Variants in JAZF1 observed in about 807,000 individuals in gnomAD.
JAZF1 encodes the protein juxtaposed with another zinc finger protein 1.
JAZF1 carries 8 observed loss-of-function variants against 26.4 expected under a neutral mutation model. The observed-to-expected ratio is 0.30, with a 90% CI of 0.18 to 0.55. JAZF1 has a LOEUF of 0.55. Ranked by LOEUF, JAZF1 falls within the 20% of genes least tolerant of loss-of-function variation. The probability of loss-of-function intolerance (pLI) is 0.94; values close to 1 mark genes in which losing one functional copy is unlikely to be tolerated. For missense variants in JAZF1, 199 were observed against 322.0 expected, an observed-to-expected ratio of 0.62 and a Z score of 2.92; for synonymous variants, 126 against 122.3, an observed-to-expected ratio of 1.03 and a Z score of -0.20.
At chr7:27,870,112 A>G (rs1783556024) in intron 3 of JAZF1, among the ~76,000 whole-genome samples, 1 of 135,804 alleles carries the variant, frequency 7.4e-6, no homozygotes, top group African/African-American at 2.8e-5. Flanking sequence ...TTTTTAGTAG[A>G]GACTGGGTTT....
At chr7:28,053,992 A>G (rs185439510) in intron 1 of JAZF1, among the ~76,000 whole-genome samples, 1 of 152,304 alleles carries the variant, frequency 6.6e-6, no homozygotes, top group African/African-American at 2.4e-5. Flanking sequence ...TTAAAATTCA[A>G]TTTCTTCAAT....
chr7:27,889,434 T>A (rs578229671), intron 3 of JAZF1, among the ~76,000 whole-genome samples: 90 of 152,322 alleles, frequency 5.9e-4, no homozygotes, highest in African/African-American at 2.1e-3. Context: ...GTCAATTAAT[T>A]TGATGGAAAG....
chr7:27,845,697 A>C (rs1783012364), intron 3 of JAZF1, among the ~76,000 whole-genome samples: 1 of 100,180 alleles, frequency 1.0e-5, no homozygotes, highest in Non-Finnish European at 2.2e-5. Context: ...ACTCTGCCTC[A>C]AAAAAAAAAA....
chr7:27,967,470 A>G (rs1785297340), intron 2 of JAZF1, among the ~76,000 whole-genome samples: 1 of 152,210 alleles, frequency 6.6e-6, no homozygotes, highest in Non-Finnish European at 1.5e-5. Context: ...AGTTGTAAAA[A>G]GATGAAGTAA....
chr7:27,848,666 G>C (rs1257552334), intron 3 of JAZF1, among the ~76,000 whole-genome samples: 1 of 152,132 alleles, frequency 6.6e-6, no homozygotes, highest in African/African-American at 2.4e-5. Flanking sequence ...AAGTGCCACG[G>C]TTTTGAGGCC....
chr7:27,930,966 T>TA (rs1176226751), intron 2 of JAZF1, among the ~76,000 whole-genome samples: 2 of 152,194 alleles, frequency 1.3e-5, no homozygotes, highest in African/African-American at 4.8e-5. Flanking sequence ...AAGCCAGTGT[T>TA]AAAAATCACA....
At chr7:27,978,276 C>T (rs1785510607) in intron 2 of JAZF1, among the ~76,000 whole-genome samples, 1 of 152,208 alleles carries the variant, frequency 6.6e-6, no homozygotes, top group South Asian at 2.1e-4. Context: ...AACAGTCTGA[C>T]TCCTGCTCCT....
chr7:28,061,771 A>G (rs998095911), intron 1 of JAZF1, among the ~76,000 whole-genome samples: 10 of 152,360 alleles, frequency 6.6e-5, no homozygotes, highest in African/African-American at 2.4e-4. Context: ...AAAGACATAC[A>G]CCATGCATAC....
intron 1 of JAZF1, among the ~76,000 whole-genome samples, chr7:28,129,325 T>C (rs918481325): frequency 2.0e-5 from 3 of 152,088 alleles, no homozygotes; most frequent in Non-Finnish European, 4.4e-5. Context: ...CAGCTACACA[T>C]GGACAAATCT....
chr7:27,875,345 C>G (rs1172447602), intron 3 of JAZF1, among the ~76,000 whole-genome samples: 2 of 152,156 alleles, frequency 1.3e-5, no homozygotes, highest in Admixed American at 1.3e-4. Context: ...GAATAGAGTC[C>G]CTCTTTTAGC....
At chr7:27,895,916 T>G (rs1012729938) in intron 2 of JAZF1, among the ~76,000 whole-genome samples, 2 of 152,212 alleles carry the variant, frequency 1.3e-5, no homozygotes, top group African/African-American at 4.8e-5. Context: ...TTACTTTGAT[T>G]CTCATATTGT....
At chr7:27,962,384 T>C (rs1785200057) in intron 2 of JAZF1, among the ~76,000 whole-genome samples, 1 of 152,182 alleles carries the variant, frequency 6.6e-6, no homozygotes, top group Admixed American at 6.5e-5. Flanking sequence ...AGCCTCACAG[T>C]TCATATGCAT....
intron 1 of JAZF1, among the ~76,000 whole-genome samples, chr7:28,175,777 G>A (rs991218846): frequency 1.3e-5 from 2 of 152,130 alleles, no homozygotes; most frequent in Non-Finnish European, 2.9e-5. Context: ...ATACCTGTCT[G>A]GAATTCAAAT....
At chr7:28,129,578 C>G (rs918975527) in intron 1 of JAZF1, among the ~76,000 whole-genome samples, 1 of 152,096 alleles carries the variant, frequency 6.6e-6, no homozygotes, top group Non-Finnish European at 1.5e-5. Flanking sequence ...CTTAGGGAAA[C>G]AAAGCAATGC....
intron 2 of JAZF1, among the ~76,000 whole-genome samples, chr7:27,903,016 A>T (rs1305117362): frequency 0.036 from 169 of 4,636 alleles, no homozygotes; most frequent in African/African-American, 0.052. Flanking sequence ...ACTCCGTCTT[A>T]AAAAAAAAAA....
intron 1 of JAZF1, among the ~76,000 whole-genome samples, chr7:28,017,350 G>GA (rs1180100308): frequency 0.073 from 5,943 of 81,708 alleles, 405 homozygotes; most frequent in East Asian, 0.45. Context: ...CTCTGTTTCA[G>GA]AAAAAAAAAA....
At chr7:27,961,394 G>A (rs1304327538) in intron 2 of JAZF1, among the ~76,000 whole-genome samples, 1 of 152,206 alleles carries the variant, frequency 6.6e-6, no homozygotes, top group Non-Finnish European at 1.5e-5. Flanking sequence ...AATTGCCTGA[G>A]GCAGGATTCT....
chr7:27,992,119 G>C, intron 1 of JAZF1, 138 bp from the exon 2 acceptor site: 1 of 708,700 alleles, frequency 1.4e-6, no homozygotes. Context: ...CTGAGTCGGC[G>C]AAGCACAATC....
At chr7:27,964,409 A>G (rs1294019553) in intron 2 of JAZF1, among the ~76,000 whole-genome samples, 1 of 152,184 alleles carries the variant, frequency 6.6e-6, no homozygotes, top group African/African-American at 2.4e-5. Flanking sequence ...CCACTAAAAC[A>G]GTAATTTTGA....
Sources: gnomAD v4.1 joint callset for allele counts (sites outside exome capture counted in the v4.1 genomes callset) on GRCh38, gnomAD v4.1.1 for gene constraint, MANE v1.5 for transcripts, NCBI Gene and HGNC (gene_info 2026-07-23, HGNC 2026-07-21) for gene names.